The following NADK variants were observed in gnomAD, a reference collection of about 807,000 sequenced individuals.
The protein encoded by NADK is NAD kinase.
Under a neutral mutation model 49.8 loss-of-function variants are expected in NADK, and 22 were observed. That is an observed-to-expected ratio of 0.44 (90% CI 0.32 to 0.63). The LOEUF (loss-of-function observed/expected upper bound fraction) is 0.63. Among genes scored for constraint, NADK ranks in the 30% least tolerant of loss-of-function variants. The pLI is 0.06. For synonymous variants in NADK, 268 were observed against 253.7 expected (o/e 1.06, Z -0.54); for missense variants, 438 against 609.4 (o/e 0.72, Z 2.96).
chr1:1,753,017 C>A lies in NADK; in HGVS notation c.1228G>T (p.Val410Leu). ...AACCAGTCGCTCACGGGGTCCCGCA[C>A]ACAGATGGAGGGGAGCGGGTAGCAT... ...TSCYPLPSICVRDPVSDWFES... is the reference protein window; with the variant it reads ...TSCYPLPSICLRDPVSDWFES... Residue 410 changes from valine to leucine, a missense_variant, in exon 12 of 12, where the codon GTG becomes TTG. Coordinates refer to ENST00000341426, the MANE Select transcript of NADK (RefSeq NM_023018.5). 5 of 1,610,652 alleles carry A rather than the reference C, an allele frequency of 3.1e-6. No homozygotes were observed. Among genetic ancestry groups the A allele is most frequent in the Non-Finnish European group, 4.2e-6 (5 of 1,178,770 alleles).
In NADK at chr1:1,765,294, A is replaced by T. The variant is rs1195701371; in HGVS notation, c.113T>A (p.Ile38Asn). 6.2e-7 allele frequency: 1 copy of T among 1,613,200 alleles called. No individual in the cohort carries two copies. The highest frequency in any genetic ancestry group is 8.5e-7 in the Non-Finnish European group (1 of 1,179,666). The change falls in exon 2 of 12, where the codon ATC (isoleucine) becomes AAC (asparagine). Residue 38 changes from isoleucine to asparagine, a missense_variant. Physicochemically the swap from Ile to Asn is moderately radical, Grantham distance 149 (BLOSUM62 -3). Transcript: ENST00000341426. ...GCTGCGAGACTTGGCCCGGCCCCGGATGGGGTGGTTGTAACTCCAGGTCTC... is the reference window on the plus strand; with the variant it reads ...GCTGCGAGACTTGGCCCGGCCCCGGTTGGGGTGGTTGTAACTCCAGGTCTC... ...GDETWSYNHPIRGRAKSRSLS... is the reference protein window; with the variant it reads ...GDETWSYNHPNRGRAKSRSLS...
At chr1:1,777,203 AC>A (rs1646238138) in intron 1 of NADK, among the ~76,000 whole-genome samples, 1 of 152,188 alleles carries the variant, frequency 6.6e-6, no homozygotes, top group Non-Finnish European at 1.5e-5. Flanking sequence ...GCGTGCTAAC[AC>A]CATAAAGTGG....
At chr1:1,761,486 C>T (rs1645724168) in intron 3 of NADK, among the ~76,000 whole-genome samples, 1 of 152,202 alleles carries the variant, frequency 6.6e-6, no homozygotes, top group Non-Finnish European at 1.5e-5. Flanking sequence ...TGCGTTTTTC[C>T]CATGACACTA....
rs549445057 is a variant in NADK, at chr1:1,765,120, G to A, written c.179+108C>T. ...GGGCAAGGACCCAGCCTCACCTTCC[G>A]GATGCATCGACGCAGACTACTCAGG... On this transcript the variant is annotated intron_variant, in intron 2 of 11. Transcript: ENST00000341426. 1.5e-4 allele frequency: 174 copies of A among 1,126,608 alleles called. No individual in the cohort carries two copies. The African/African-American group carries it at 2.2e-3, about 14-fold the overall frequency. 69.8% of individuals were successfully genotyped at this position (1,126,608 alleles called of 1,614,324 possible). A position where few individuals can be genotyped will look rare whatever the true frequency, so the allele number is the denominator to read the frequency against.
chr1:1,776,681 G>A (rs1452034024), intron 1 of NADK, among the ~76,000 whole-genome samples: 3 of 150,392 alleles, frequency 2.0e-5, no homozygotes, highest in African/African-American at 4.9e-5. Flanking sequence ...GCTGAGGCAG[G>A]AAAATCACTT....
intron 3 of NADK, chr1:1,759,718 T>C (rs1174478790): frequency 9.7e-6 from 15 of 1,550,706 alleles, no homozygotes; most frequent in Non-Finnish European, 1.3e-5. Flanking sequence ...CCCTCAAGGC[T>C]GCCCCACAAA....
In NADK at chr1:1,754,445, T is replaced by C. The variant is rs1570500168; in HGVS notation, c.844-62A>G. ...GATGCCGCACGGCTCGCAGACACCCTCCGTCTCACCCAGCCGGGCTCTCCG... is the reference window on the plus strand; with the variant it reads ...GATGCCGCACGGCTCGCAGACACCCCCCGTCTCACCCAGCCGGGCTCTCCG... On this transcript the variant is annotated intron_variant, in intron 8 of 11. Transcript: ENST00000341426. The surrounding 1 kb of genome is among the most constrained non-coding windows in gnomAD (Gnocchi z 4.3). The C allele has an allele frequency of 1.2e-6, 2 of 1,608,108 alleles. No homozygotes were observed. Among genetic ancestry groups the C allele is most frequent in the South Asian group, 1.1e-5 (1 of 90,826 alleles).
rs750600587 is a variant in NADK at position 1,763,618 on chromosome 1, CAA to C, written c.180-1585_180-1584del. 1.8e-3 allele frequency among the ~76,000 whole-genome samples: 49 copies of C among 27,494 alleles called. 2 individuals carry two copies. Among genetic ancestry groups the C allele is most frequent in the Non-Finnish European group, 3.6e-3 (25 of 6,952 alleles). 18.0% of individuals were successfully genotyped at this position (27,494 alleles called of 152,430 possible). On this transcript the variant is annotated intron_variant, in intron 2 of 11. Transcript: ENST00000341426. ...TGGGCGACAGAGCAAGACTCCATCT[CAA>C]AAAAAAAAAAAAAAAGAAGAAGAAA...
chr1:1,753,154 G>T, intron 11 of NADK, 94 bp from the exon 12 acceptor site: 1 of 1,451,432 alleles, frequency 6.9e-7, no homozygotes, highest in South Asian at 1.4e-5. Flanking sequence ...GGAATGGCCG[G>T]GACTCTTTTC....
Position 1,757,294 on chromosome 1 carries a change from C to A in NADK, c.280G>T (p.Ala94Ser). ...PQTIMHIQDPASQRLTWNKSP... is the reference protein window; with the variant it reads ...PQTIMHIQDPSSQRLTWNKSP... The stretch of plus-strand genomic sequence containing the variant: ...TTGTTCCACGTCAGCCGCTGGCTCG[C>A]GGGGTCCTGAATGTGCCTTTAGGGG... The change falls in exon 4 of 12, where the codon GCG (alanine) becomes TCG (serine). Residue 94 changes from alanine to serine, a missense_variant. By Grantham distance (99) the Ala-to-Ser change is moderately conservative (BLOSUM62 1). Coordinates refer to ENST00000341426, the MANE Select transcript of NADK (RefSeq NM_023018.5). 6.2e-7 allele frequency: 1 copy of A among 1,613,720 alleles called. No homozygotes were observed. The highest frequency in any genetic ancestry group is 1.1e-5 in the South Asian group (1 of 91,082).
chr1:1,776,133 G>A (rs917204819), intron 1 of NADK, among the ~76,000 whole-genome samples: 1 of 152,116 alleles, frequency 6.6e-6, no homozygotes, highest in Non-Finnish European at 1.5e-5. Context: ...GTCGAGTCCC[G>A]CAAACACCCA....
rs1645462971 is a variant in NADK at position 1,754,923 on chromosome 1, G to A, written c.689-225C>T. The stretch of plus-strand genomic sequence containing the variant: ...TGCAACCTCTGCCTCCCAGGTTCAA[G>A]TGATTCTCCTGCCTCAGCCTCCCAA... On this transcript the variant is annotated intron_variant, in intron 7 of 11. Coordinates refer to ENST00000341426, the MANE Select transcript of NADK (RefSeq NM_023018.5). The surrounding 1 kb of genome is among the most constrained non-coding windows in gnomAD (Gnocchi z 4.3). 1 of 500,798 alleles carries A rather than the reference G, an allele frequency of 2.0e-6. No individual in the cohort carries two copies. The highest frequency in any genetic ancestry group is 3.5e-6 in the Non-Finnish European group (1 of 285,114). 31.0% of individuals were successfully genotyped at this position (500,798 alleles called of 1,614,324 possible). A position where few individuals can be genotyped will look rare whatever the true frequency, so the allele number is the denominator to read the frequency against.
chr1:1,768,515 T>G (rs1368530823), intron 1 of NADK, among the ~76,000 whole-genome samples: 4 of 152,092 alleles, frequency 2.6e-5, no homozygotes, highest in African/African-American at 9.7e-5. Flanking sequence ...GTGATTGTGC[T>G]GTTGCACTCC....
In NADK at chr1:1,770,948, T is replaced by G. The variant is rs566230210; in HGVS notation, c.-40-5502A>C. The stretch of plus-strand genomic sequence containing the variant: ...CTGTAATCCCAGCTATTTGGGAGGC[T>G]GAGGCAGGAGAATCACTTGAACCTG... On this transcript the variant is annotated intron_variant, in intron 1 of 11. Coordinates refer to ENST00000341426, the MANE Select transcript of NADK (RefSeq NM_023018.5). Among the ~76,000 whole-genome samples, 27 of 150,892 alleles carry G rather than the reference T, an allele frequency of 1.8e-4. No homozygotes were observed. The South Asian group carries it at 5.6e-3, about 32-fold the overall frequency.
chr1:1,759,217 C>G (rs1400279553), intron 3 of NADK: 1 of 1,576,006 alleles, frequency 6.3e-7, no homozygotes, highest in Non-Finnish European at 8.6e-7. Context: ...GACCACAAAC[C>G]AGCGCCTCGA....
intron 3 of NADK, chr1:1,758,302 C>A: frequency 2.6e-6 from 4 of 1,530,706 alleles, no homozygotes; most frequent in South Asian, 1.3e-5. Context: ...ACGCCGATGG[C>A]AGCCACAGGG....
rs554803128 is a variant in NADK at position 1,758,966 on chromosome 1, G to T, written c.264-1656C>A. 5.6e-5 allele frequency: 67 copies of T among 1,202,382 alleles called. No homozygotes were observed. In the South Asian group the frequency reaches 1.0e-3, roughly 18 times the overall value. The allele number at this position is 1,202,382 out of a possible 1,614,324, so 74.5% of individuals were successfully genotyped here. ...GTGGAAGGGCGTTCCCTGCCTCCTA[G>T]CCCGCTGCGTCACTCTGCTTGGCTC... On this transcript the variant is annotated intron_variant, in intron 3 of 11. Coordinates refer to ENST00000341426, the MANE Select transcript of NADK (RefSeq NM_023018.5).
At chr1:1,753,193 G>A in intron 11 of NADK, 133 bp from the exon 12 acceptor site, 1 of 1,088,718 alleles carries the variant, frequency 9.2e-7, no homozygotes, top group Non-Finnish European at 1.3e-6. Context: ...CCTCCCCGAG[G>A]CAGGCTTGAG....
chr1:1,772,339 T>G (rs1269248389), intron 1 of NADK, among the ~76,000 whole-genome samples: 1 of 151,996 alleles, frequency 6.6e-6, no homozygotes, highest in Non-Finnish European at 1.5e-5. Flanking sequence ...ATTTTTGTAT[T>G]TTTTTGTAGA....
Sources: gnomAD v4.1 joint callset for allele counts (sites outside exome capture counted in the v4.1 genomes callset) on GRCh38, gnomAD v4.1.1 for gene constraint, Gnocchi (gnomAD v3.1) non-coding constraint, MANE v1.5 for transcripts, NCBI Gene and HGNC (gene_info 2026-07-23, HGNC 2026-07-21) for gene names.